The following LRRC4C variants were observed in gnomAD, a reference collection of about 807,000 sequenced individuals.
LRRC4C encodes leucine-rich repeat-containing protein 4C.
A neutral mutation model predicts 33.6 loss-of-function variants in LRRC4C; 5 were observed. That is an observed-to-expected ratio of 0.15 (90% CI 0.08 to 0.31). The LOEUF (loss-of-function observed/expected upper bound fraction) is 0.31. Among genes scored for constraint, LRRC4C ranks in the 10% least tolerant of loss-of-function variants. The pLI is 1.00. For missense variants in LRRC4C, 560 were observed against 796.7 expected (o/e 0.70, Z 3.58); for synonymous variants, 329 against 302.0 (o/e 1.09, Z -0.93).
chr11:40,576,182 C>T (rs759170222), intron 3 of LRRC4C, among the ~76,000 whole-genome samples: 4 of 152,200 alleles, frequency 2.6e-5, no homozygotes, highest in Non-Finnish European at 5.9e-5. Context: ...GAAGATAAAA[C>T]ACCTGTTTGG....
intron 1 of LRRC4C, among the ~76,000 whole-genome samples, chr11:40,987,951 T>G (rs1367051667): frequency 6.6e-6 from 1 of 151,954 alleles, no homozygotes; most frequent in Non-Finnish European, 1.5e-5. Flanking sequence ...CTCTGACTCC[T>G]TGTGGGATTA....
chr11:41,251,676 G>T (rs1948643272), intron 1 of LRRC4C, among the ~76,000 whole-genome samples: 1 of 152,168 alleles, frequency 6.6e-6, no homozygotes, highest in African/African-American at 2.4e-5. Flanking sequence ...AGAACTGACT[G>T]ACAAAAATGA....
intron 4 of LRRC4C, among the ~76,000 whole-genome samples, chr11:40,247,222 A>T (rs1866414543): frequency 6.6e-6 from 1 of 151,900 alleles, no homozygotes; most frequent in Non-Finnish European, 1.5e-5. Context: ...AGTGTACCAC[A>T]CTTGTTTCAT....
chr11:40,145,579 G>T (rs1207343258), intron 5 of LRRC4C, among the ~76,000 whole-genome samples: 1 of 152,114 alleles, frequency 6.6e-6, no homozygotes, highest in East Asian at 1.9e-4. Flanking sequence ...CCTATACCAG[G>T]ATCTACAAGC....
At chr11:40,789,388 T>C (rs1950543128) in intron 2 of LRRC4C, among the ~76,000 whole-genome samples, 1 of 152,144 alleles carries the variant, frequency 6.6e-6, no homozygotes, top group Admixed American at 6.5e-5. Flanking sequence ...TCTATACATA[T>C]AAGGCTTTGG....
At chr11:40,491,796 A>G (rs755627515) in intron 3 of LRRC4C, among the ~76,000 whole-genome samples, 2 of 152,086 alleles carry the variant, frequency 1.3e-5, no homozygotes, top group Non-Finnish European at 2.9e-5. Context: ...GTTATATAGT[A>G]TATCCTCTCA....
chr11:40,990,492 C>T (rs948439998), intron 1 of LRRC4C, among the ~76,000 whole-genome samples: 10 of 151,806 alleles, frequency 6.6e-5, no homozygotes, highest in Non-Finnish European at 1.2e-4. Context: ...GAGTCTGAAT[C>T]CAGACTCTGT....
chr11:41,451,395 G>A (rs1168992657), intron 1 of LRRC4C, among the ~76,000 whole-genome samples: 1 of 152,076 alleles, frequency 6.6e-6, no homozygotes, highest in Non-Finnish European at 1.5e-5. Flanking sequence ...GTGTGTGTAT[G>A]TGTATTTATG....
At chr11:40,181,635 G>A (rs1861010603) in intron 5 of LRRC4C, among the ~76,000 whole-genome samples, 1 of 152,194 alleles carries the variant, frequency 6.6e-6, no homozygotes, top group Non-Finnish European at 1.5e-5. Context: ...TGAGAACTGA[G>A]CTAGTTCAGC....
chr11:40,469,709 C>T (rs1206290796), intron 3 of LRRC4C, among the ~76,000 whole-genome samples: 2 of 152,114 alleles, frequency 1.3e-5, no homozygotes, highest in African/African-American at 2.4e-5. Flanking sequence ...GGGGTGTTCA[C>T]CATCACTGAG....
chr11:41,373,264 AT>A (rs1303710038), intron 1 of LRRC4C, among the ~76,000 whole-genome samples: 2 of 152,126 alleles, frequency 1.3e-5, no homozygotes, highest in African/African-American at 4.8e-5. Flanking sequence ...TATTAAAAAT[AT>A]TTGGCCCAAT....
At chr11:40,383,624 C>G (rs1948980174) in intron 3 of LRRC4C, among the ~76,000 whole-genome samples, 1 of 152,094 alleles carries the variant, frequency 6.6e-6, no homozygotes, top group South Asian at 2.1e-4. Flanking sequence ...TTGAGCAACT[C>G]TCATATATGT....
intron 3 of LRRC4C, among the ~76,000 whole-genome samples, chr11:40,627,276 C>CGAGAGAGA (rs10649436): frequency 5.5e-5 from 8 of 146,402 alleles, no homozygotes; most frequent in African/African-American, 1.0e-4. Context: ...AGAGAGAGAG[C>CGAGAGAGA]GAGAGAGAGA....
intron 1 of LRRC4C, among the ~76,000 whole-genome samples, chr11:41,067,334 T>A (rs1055905756): frequency 6.6e-6 from 1 of 152,134 alleles, no homozygotes; most frequent in Non-Finnish European, 1.5e-5. Flanking sequence ...TATAATGTAA[T>A]GGTAAAGGAA....
chr11:40,480,831 T>C (rs1471411298), intron 3 of LRRC4C, among the ~76,000 whole-genome samples: 1 of 152,006 alleles, frequency 6.6e-6, no homozygotes, highest in Non-Finnish European at 1.5e-5. Flanking sequence ...AAGTCAGGCA[T>C]AGAATGACCA....
chr11:40,519,390 G>A (rs1184541974), intron 3 of LRRC4C, among the ~76,000 whole-genome samples: 1 of 152,096 alleles, frequency 6.6e-6, no homozygotes, highest in African/African-American at 2.4e-5. Context: ...TCATTACAAT[G>A]AAAGTATAAG....
intron 1 of LRRC4C, among the ~76,000 whole-genome samples, chr11:41,066,676 C>G (rs1938265116): frequency 6.6e-6 from 1 of 152,064 alleles, no homozygotes; most frequent in African/African-American, 2.4e-5. Context: ...AGGGCCAGGT[C>G]ACCGACAAAG....
chr11:40,266,271 GC>G (rs113491323), intron 4 of LRRC4C, among the ~76,000 whole-genome samples: 11,270 of 152,130 alleles, frequency 0.074, 534 homozygotes, highest in African/African-American at 0.12. Context: ...CTACATTCCA[GC>G]CTGGGGACAG....
chr11:41,265,210 G>C (rs1949110010), intron 1 of LRRC4C, among the ~76,000 whole-genome samples: 1 of 152,092 alleles, frequency 6.6e-6, no homozygotes, highest in African/African-American at 2.4e-5. Context: ...ATCTCTTTGT[G>C]TAGCTCATCC....
Sources: allele counts gnomAD v4.1 joint callset (sites outside exome capture counted in the v4.1 genomes callset), GRCh38; gene constraint gnomAD v4.1.1; transcripts MANE v1.5; gene names NCBI Gene and HGNC (gene_info 2026-07-23, HGNC 2026-07-21).